GRAMD1B: variants seen among roughly 807,000 people sequenced by gnomAD.
GRAMD1B encodes GRAM domain containing 1B.
In GRAMD1B, 37 loss-of-function variants were observed where a neutral mutation model predicts 99.7. The ratio of observed to expected loss-of-function variants is 0.37; its 90% CI spans 0.29 to 0.49. The LOEUF is 0.49. Ranked by LOEUF, GRAMD1B falls within the 20% of genes least tolerant of loss-of-function variation. The pLI is 0.98. For missense variants in GRAMD1B, 888 were observed against 1,009.2 expected, an observed-to-expected ratio of 0.88 and a Z score of 1.63; for synonymous variants, 427 against 387.6, an observed-to-expected ratio of 1.10 and a Z score of -1.19.
chr11:123,367,434 G>A lies in GRAMD1B; in HGVS notation c.-176+8635G>A, dbSNP rs751898154. 4.6e-5 allele frequency among the ~76,000 whole-genome samples: 7 copies of A among 152,330 alleles called. No homozygotes were observed. The South Asian group carries it at 1.5e-3, about 32-fold the overall frequency. The stretch of plus-strand genomic sequence containing the variant: ...TGAATCTGAGAAGGCTTTTTCAGAA[G>A]AGGTTATATTTGAGCTGGGTTCTAA... On this transcript the variant is annotated intron_variant, in intron 1 of 20. Transcript: ENST00000638157.
At chr11:123,466,666 G>C (rs1488692968) in intron 1 of GRAMD1B, among the ~76,000 whole-genome samples, 1 of 152,166 alleles carries the variant, frequency 6.6e-6, no homozygotes, top group African/African-American at 2.4e-5. Flanking sequence ...GAGTAGGGGT[G>C]GGGGAAAGTG....
At chr11:123,419,628 TAAAA>T (rs1293832935) in intron 1 of GRAMD1B, among the ~76,000 whole-genome samples, 1 of 151,330 alleles carries the variant, frequency 6.6e-6, no homozygotes, top group Non-Finnish European at 1.5e-5. Flanking sequence ...CCCTGTCTCT[TAAAA>T]CAACAACAAC....
At chr11:123,410,414 A>C (rs1409597772) in intron 1 of GRAMD1B, among the ~76,000 whole-genome samples, 2 of 152,176 alleles carry the variant, frequency 1.3e-5, no homozygotes, top group African/African-American at 4.8e-5. Flanking sequence ...TTCTTGCCCC[A>C]AACTCCTGAG....
intron 2 of GRAMD1B, among the ~76,000 whole-genome samples, chr11:123,574,794 G>A (rs1187728994): frequency 6.6e-6 from 1 of 152,182 alleles, no homozygotes; most frequent in African/African-American, 2.4e-5. Flanking sequence ...AGCAGGTAGA[G>A]GAGTCTCTGC....
intron 15 of GRAMD1B, 60 bp downstream of exon 15, chr11:123,612,924 C>A (rs151071561): frequency 4.3e-6 from 4 of 927,196 alleles, no homozygotes; most frequent in South Asian, 1.4e-5. Context: ...GCACTGCGGC[C>A]GCCCACCATT....
intron 1 of GRAMD1B, among the ~76,000 whole-genome samples, chr11:123,364,377 C>T (rs747124158): frequency 3.3e-5 from 5 of 152,280 alleles, no homozygotes; most frequent in South Asian, 2.1e-4. Context: ...ACGCAGGGAG[C>T]GATTGAGAGC....
chr11:123,479,736 C>G (rs1220416844), intron 1 of GRAMD1B, among the ~76,000 whole-genome samples: 1 of 152,136 alleles, frequency 6.6e-6, no homozygotes, highest in Non-Finnish European at 1.5e-5. Flanking sequence ...GCCTTAACCA[C>G]TCAGCTCTGA....
At chr11:123,580,829 C>CCTG (rs918025840) in intron 3 of GRAMD1B, among the ~76,000 whole-genome samples, 8 of 152,104 alleles carry the variant, frequency 5.3e-5, no homozygotes, top group Non-Finnish European at 8.8e-5. Flanking sequence ...CTCCTCCCGC[C>CCTG]CTGCTGCACA....
chr11:123,524,465 C>T (rs918058959), intron 2 of GRAMD1B, among the ~76,000 whole-genome samples: 8 of 151,932 alleles, frequency 5.3e-5, no homozygotes, highest in Non-Finnish European at 8.8e-5. Flanking sequence ...CTCAGCCCCC[C>T]GAGTAACTGG....
intron 2 of GRAMD1B, among the ~76,000 whole-genome samples, chr11:123,536,694 C>G (rs1943997547): frequency 6.6e-6 from 1 of 152,152 alleles, no homozygotes; most frequent in African/African-American, 2.4e-5. Context: ...GAGTTCTGAT[C>G]ATTATTATTT....
chr11:123,480,444 C>T (rs930688191), intron 1 of GRAMD1B, among the ~76,000 whole-genome samples: 1 of 152,102 alleles, frequency 6.6e-6, no homozygotes, highest in Non-Finnish European at 1.5e-5. Context: ...TGAGAGTCTC[C>T]GGTGGGCTGA....
chr11:123,386,603 A>G (rs1947068998), intron 1 of GRAMD1B, among the ~76,000 whole-genome samples: 1 of 151,900 alleles, frequency 6.6e-6, no homozygotes, highest in Non-Finnish European at 1.5e-5. Flanking sequence ...ACACCCAGCT[A>G]ATTTTTTGTT....
At chr11:123,553,414 G>A (rs1945821834) in intron 2 of GRAMD1B, among the ~76,000 whole-genome samples, 1 of 152,202 alleles carries the variant, frequency 6.6e-6, no homozygotes, top group Non-Finnish European at 1.5e-5. Flanking sequence ...TTGTCCCAGG[G>A]AAGGCTTTCA....
At chr11:123,425,360 A>G (rs181513993), upstream of GRAMD1B, among the ~76,000 whole-genome samples, 55 of 152,314 alleles carry the variant, frequency 3.6e-4, no homozygotes, top group Non-Finnish European at 7.4e-4. Context: ...CGACCTCAGA[A>G]AGTCTTTTGC....
At chr11:123,553,687 G>C (rs11219195) in intron 2 of GRAMD1B, among the ~76,000 whole-genome samples, 17,434 of 152,200 alleles carry the variant, frequency 0.11, 2,764 homozygotes, top group African/African-American at 0.35. Flanking sequence ...GGACACCCCT[G>C]AACCAGCCTC....
At chr11:123,390,138 T>TA (rs11462388) in intron 1 of GRAMD1B, among the ~76,000 whole-genome samples, 61,221 of 142,544 alleles carry the variant, frequency 0.43, 13,507 homozygotes, top group African/African-American at 0.59. Flanking sequence ...ATCAATTCAT[T>TA]AAAAAAAAAA....
rs34085785 is a variant in GRAMD1B, at chr11:123,388,129, CAAA to C, written c.-176+29349_-176+29351del. 2.0e-3 allele frequency among the ~76,000 whole-genome samples: 146 copies of C among 71,496 alleles called. 1 individual carries two copies. The highest frequency in any genetic ancestry group is 6.5e-3 in the African/African-American group (139 of 21,482). The allele number at this position is 71,496 out of a possible 152,430, so 46.9% of individuals were successfully genotyped here. ...CGACAAAAGCGAGACTCCTCCTCCT[CAAA>C]AAAAAAAAAAAAAAAAAATAGCTAT... On this transcript the variant is annotated intron_variant, in intron 1 of 20. Coordinates refer to the GRAMD1B transcript ENST00000638157.
chr11:123,416,242 G>C (rs1948229407), intron 1 of GRAMD1B, among the ~76,000 whole-genome samples: 1 of 152,124 alleles, frequency 6.6e-6, no homozygotes, highest in African/African-American at 2.4e-5. Flanking sequence ...TCCCCTGCTT[G>C]AATAGAAGGC....
At chr11:123,600,905 TGGAAAG>T (rs1010054289) in intron 8 of GRAMD1B, among the ~76,000 whole-genome samples, 10 of 151,512 alleles carry the variant, frequency 6.6e-5, no homozygotes, top group African/African-American at 2.4e-4. Flanking sequence ...AGTCAGGAGA[TGGAAAG>T]GGAAAGGGGA....
Sources: gnomAD v4.1 joint callset for allele counts (sites outside exome capture counted in the v4.1 genomes callset) on GRCh38, gnomAD v4.1.1 for gene constraint, MANE v1.5 for transcripts, NCBI Gene and HGNC (gene_info 2026-07-23, HGNC 2026-07-21) for gene names.